XIRP2: variants seen among roughly 807,000 people sequenced by gnomAD.
The protein encoded by XIRP2 is xin actin-binding repeat-containing protein 2.
In XIRP2, 236 loss-of-function variants were observed where a neutral mutation model predicts 277.0. The ratio of observed to expected loss-of-function variants is 0.85; its 90% CI spans 0.77 to 0.95. The LOEUF (loss-of-function observed/expected upper bound fraction) is 0.95. Among genes scored for constraint, XIRP2 ranks in the 40% least tolerant of loss-of-function variants. The probability of loss-of-function intolerance (pLI) is 0.00; values close to 1 mark genes in which losing one functional copy is unlikely to be tolerated. For missense variants in XIRP2, 4,640 were observed against 4,157.5 expected, an observed-to-expected ratio of 1.12 and a Z score of -3.19; for synonymous variants, 1,490 against 1,416.5, an observed-to-expected ratio of 1.05 and a Z score of -1.17.
intron 3 of XIRP2, among the ~76,000 whole-genome samples, chr2:167,141,682 G>A (rs1388865241): frequency 6.6e-6 from 1 of 152,002 alleles, no homozygotes; most frequent in African/African-American, 2.4e-5. Flanking sequence ...GGGCAACATA[G>A]CAACACTCCA....
In XIRP2 at chr2:167,245,561, G is replaced by A; in HGVS notation, c.4169G>A (p.Arg1390Lys). 1.2e-6 allele frequency: 2 copies of A among 1,613,622 alleles called. No homozygotes were observed. The highest frequency in any genetic ancestry group is 1.7e-6 in the Non-Finnish European group (2 of 1,179,748). ...QKGDVSSVRY[R>K]FETQPLDQIS... ...GGAGATGTTAGTTCTGTCAGATACA[G>A]ATTTGAAACTCAGCCACTGGATCAG... is the stretch of plus-strand genomic sequence containing the variant. The change falls in exon 9 of 11, where the codon AGA becomes AAA. Residue 1390 changes from arginine (R) to lysine (K), a missense_variant. Arg to Lys is a conservative substitution (Grantham distance 26). Coordinates refer to ENST00000409195, the MANE Select transcript of XIRP2 (RefSeq NM_152381.6).
At chr2:167,157,231 C>T (rs1483680314) in intron 3 of XIRP2, among the ~76,000 whole-genome samples, 2 of 152,136 alleles carry the variant, frequency 1.3e-5, no homozygotes, top group African/African-American at 4.8e-5. Flanking sequence ...TTTAGTTCTA[C>T]ACTGCTGATT....
At chr2:166,978,635 A>G (rs1231427867) in intron 2 of XIRP2, among the ~76,000 whole-genome samples, 1 of 152,308 alleles carries the variant, frequency 6.6e-6, no homozygotes, top group Non-Finnish European at 1.5e-5. Context: ...ATTTTTGTGA[A>G]AGAAATTGCT....
intron 2 of XIRP2, among the ~76,000 whole-genome samples, chr2:167,045,524 C>T (rs1027655933): frequency 6.6e-6 from 1 of 151,842 alleles, no homozygotes; most frequent in Non-Finnish European, 1.5e-5. Context: ...GCCTAATATT[C>T]GGAATCTATA....
chr2:167,030,278 C>A (rs947567889), intron 2 of XIRP2, among the ~76,000 whole-genome samples: 12 of 151,932 alleles, frequency 7.9e-5, no homozygotes, highest in Admixed American at 1.3e-4. Context: ...TTTGCTCTTT[C>A]TTCTCTAGTA....
intron 3 of XIRP2, among the ~76,000 whole-genome samples, chr2:167,136,464 A>C (rs1691555505): frequency 6.6e-6 from 1 of 152,298 alleles, no homozygotes; most frequent in Non-Finnish European, 1.5e-5. Context: ...AAAATAAATA[A>C]GATGCCTTAA....
chr2:167,239,990 T>C (rs770830906), intron 6 of XIRP2, 25 bp downstream of exon 6: 20 of 1,568,226 alleles, frequency 1.3e-5, no homozygotes, highest in Non-Finnish European at 1.7e-5. Flanking sequence ...AGGCAGTACT[T>C]TCAAACAGTT....
chr2:166,926,754 A>G (rs1408461791), intron 2 of XIRP2, among the ~76,000 whole-genome samples: 3 of 152,160 alleles, frequency 2.0e-5, no homozygotes, highest in African/African-American at 7.2e-5. Context: ...AAGAATTTAC[A>G]CAGTGAACAG....
At chr2:167,192,255 G>T (rs1231483760) in intron 3 of XIRP2, among the ~76,000 whole-genome samples, 1 of 151,950 alleles carries the variant, frequency 6.6e-6, no homozygotes, top group Non-Finnish European at 1.5e-5. Flanking sequence ...AAGTTACTGG[G>T]TTTTTTAAAA....
chr2:167,039,446 G>A (rs1331247219), intron 2 of XIRP2, among the ~76,000 whole-genome samples: 7 of 152,126 alleles, frequency 4.6e-5, no homozygotes, highest in Admixed American at 3.3e-4. Context: ...ACAAGATCAA[G>A]GAAACAATTT....
chr2:166,925,941 G>T (rs1326650853), intron 2 of XIRP2, among the ~76,000 whole-genome samples: 1 of 151,722 alleles, frequency 6.6e-6, no homozygotes, highest in Non-Finnish European at 1.5e-5. Context: ...AGTCATAGTA[G>T]GGTGTGCTTG....
chr2:166,966,192 AAT>A (rs1686427935), intron 2 of XIRP2, among the ~76,000 whole-genome samples: 1 of 151,856 alleles, frequency 6.6e-6, no homozygotes, highest in Non-Finnish European at 1.5e-5. Context: ...AATAGTTGTC[AAT>A]ATTAACACTT....
At chr2:166,967,814 T>G (rs1228975015) in intron 2 of XIRP2, among the ~76,000 whole-genome samples, 3 of 151,950 alleles carry the variant, frequency 2.0e-5, no homozygotes, top group Non-Finnish European at 2.9e-5. Context: ...ATGACAGTGA[T>G]TATTCTAGTT....
intron 2 of XIRP2, among the ~76,000 whole-genome samples, chr2:166,995,328 A>G (rs147792766): frequency 4.6e-5 from 7 of 152,128 alleles, no homozygotes; most frequent in Admixed American, 6.5e-5. Context: ...TAAGGCAAAA[A>G]CGTTAGTGAC....
intron 2 of XIRP2, among the ~76,000 whole-genome samples, chr2:167,127,902 G>T (rs577367075): frequency 2.0e-5 from 3 of 152,158 alleles, no homozygotes; most frequent in African/African-American, 7.2e-5. Flanking sequence ...GGTCCCCCTG[G>T]GGGTTCATCC....
intron 2 of XIRP2, among the ~76,000 whole-genome samples, chr2:167,119,184 A>G (rs1690980208): frequency 6.6e-6 from 1 of 152,194 alleles, no homozygotes; most frequent in Non-Finnish European, 1.5e-5. Flanking sequence ...TCAAGAGTTT[A>G]TGAAAAGAAG....
chr2:166,956,394 G>A (rs1241438772), intron 2 of XIRP2, among the ~76,000 whole-genome samples: 1 of 151,780 alleles, frequency 6.6e-6, no homozygotes, highest in Admixed American at 6.6e-5. Context: ...TAACTAAGTT[G>A]TGGTAATTAA....
chr2:166,968,720 T>G (rs1434402713), intron 2 of XIRP2, among the ~76,000 whole-genome samples: 1 of 152,016 alleles, frequency 6.6e-6, no homozygotes, highest in African/African-American at 2.4e-5. Flanking sequence ...TGCTAAATCA[T>G]TAACCTTTAA....
chr2:167,069,191 G>A (rs1390107229), intron 2 of XIRP2, among the ~76,000 whole-genome samples: 1 of 152,120 alleles, frequency 6.6e-6, no homozygotes, highest in Non-Finnish European at 1.5e-5. Context: ...CATTTGCATG[G>A]ATTCAGTGTA....
Sources: gnomAD v4.1 joint callset for allele counts (sites outside exome capture counted in the v4.1 genomes callset) on GRCh38, gnomAD v4.1.1 for gene constraint, MANE v1.5 for transcripts, NCBI Gene and HGNC (gene_info 2026-07-23, HGNC 2026-07-21) for gene names.